VAT1L: variants seen among roughly 807,000 people sequenced by gnomAD.
The protein encoded by VAT1L is vesicle amine transport 1 like.
VAT1L carries 34 observed loss-of-function variants against 44.1 expected under a neutral mutation model. That is an observed-to-expected ratio of 0.77 (90% confidence interval 0.59 to 1.03). The LOEUF (loss-of-function observed/expected upper bound fraction) is 1.03, where lower values mean the gene tolerates loss of function less well. VAT1L is among the 50% of genes least tolerant of loss of function. The pLI, the probability that VAT1L is intolerant of heterozygous loss-of-function variation, is 0.00. For missense variants in VAT1L, 615 were observed against 538.8 expected, an observed-to-expected ratio of 1.14 and a Z score of -1.40; for synonymous variants, 253 against 202.2, an observed-to-expected ratio of 1.25 and a Z score of -2.13.
chr16:77,818,739 T>G (rs1316895350), intron 2 of VAT1L, among the ~76,000 whole-genome samples: 1 of 152,210 alleles, frequency 6.6e-6, no homozygotes, highest in East Asian at 1.9e-4. Flanking sequence ...CATTAAACTC[T>G]CTCCCTTCCA....
At chr16:77,974,302 A>G (rs1567527576) in intron 8 of VAT1L, among the ~76,000 whole-genome samples, 1 of 152,138 alleles carries the variant, frequency 6.6e-6, no homozygotes, top group Non-Finnish European at 1.5e-5. Context: ...TTTCAGTCCC[A>G]TTTGGAGAAG....
intron 1 of VAT1L, among the ~76,000 whole-genome samples, chr16:77,799,787 C>T (rs1477561132): frequency 6.6e-6 from 1 of 152,094 alleles, no homozygotes; most frequent in Admixed American, 6.5e-5. Context: ...TATTAAGTCA[C>T]ATTAAATAAC....
At chr16:77,911,116 G>T (rs958600504) in intron 7 of VAT1L, among the ~76,000 whole-genome samples, 4 of 152,144 alleles carry the variant, frequency 2.6e-5, no homozygotes, top group African/African-American at 9.7e-5. Flanking sequence ...TACACCAACT[G>T]TACCACCCAG....
chr16:77,902,247 A>T (rs184318479), intron 7 of VAT1L, among the ~76,000 whole-genome samples: 1 of 152,246 alleles, frequency 6.6e-6, no homozygotes. Context: ...CATGGATGGA[A>T]TAAGAAATGC....
At chr16:77,936,406 C>A (rs748539555) in intron 7 of VAT1L, among the ~76,000 whole-genome samples, 1 of 152,130 alleles carries the variant, frequency 6.6e-6, no homozygotes, top group Non-Finnish European at 1.5e-5. Context: ...GCAGGCAGCC[C>A]TTTCTGCCTC....
At chr16:77,844,263 G>T (rs1049828295) in intron 3 of VAT1L, among the ~76,000 whole-genome samples, 1 of 152,038 alleles carries the variant, frequency 6.6e-6, no homozygotes, top group South Asian at 2.1e-4. Flanking sequence ...TTTTCCTTGT[G>T]ATTATTCCCT....
intron 7 of VAT1L, among the ~76,000 whole-genome samples, chr16:77,912,915 T>TTTC (rs936557258): frequency 1.3e-5 from 2 of 152,194 alleles, no homozygotes; most frequent in South Asian, 2.1e-4. Flanking sequence ...AGTTATGGTT[T>TTTC]TTCTTCTTCT....
chr16:77,820,020 G>A (rs1322442198), intron 2 of VAT1L, among the ~76,000 whole-genome samples: 1 of 152,174 alleles, frequency 6.6e-6, no homozygotes, highest in Non-Finnish European at 1.5e-5. Context: ...AGGAAACTGA[G>A]CCCTGAAAAG....
intron 3 of VAT1L, among the ~76,000 whole-genome samples, chr16:77,828,202 A>C (rs994873597): frequency 6.6e-6 from 1 of 152,224 alleles, no homozygotes. Context: ...CAGAGAGCCC[A>C]CACCATCACA....
At chr16:77,892,479 T>C (rs80056103) in intron 7 of VAT1L, 1 of 527,734 alleles carries the variant, frequency 1.9e-6, no homozygotes, top group Non-Finnish European at 3.8e-6. Context: ...GGCCCTTGTG[T>C]CTCCTTTGAG....
intron 3 of VAT1L, among the ~76,000 whole-genome samples, chr16:77,843,589 A>G (rs975739041): frequency 6.6e-6 from 1 of 152,190 alleles, no homozygotes; most frequent in South Asian, 2.1e-4. Context: ...TGCATTAAGA[A>G]CGGGAAATAT....
At chr16:77,887,294 A>AG (rs1258787331) in intron 7 of VAT1L, among the ~76,000 whole-genome samples, 1 of 152,178 alleles carries the variant, frequency 6.6e-6, no homozygotes, top group Non-Finnish European at 1.5e-5. Flanking sequence ...TCTAAGCAGC[A>AG]GGGGGCTGCT....
At chr16:77,956,655 C>A (rs751908247) in intron 7 of VAT1L, among the ~76,000 whole-genome samples, 1 of 152,194 alleles carries the variant, frequency 6.6e-6, no homozygotes, top group Non-Finnish European at 1.5e-5. Flanking sequence ...TTCTTAGGTT[C>A]AGAGCCTATA....
chr16:77,969,332 G>A (rs533206145), intron 7 of VAT1L, among the ~76,000 whole-genome samples: 4 of 152,174 alleles, frequency 2.6e-5, no homozygotes, highest in African/African-American at 7.2e-5. Flanking sequence ...ACTCAGGACA[G>A]AGTTGCTCTG....
intron 7 of VAT1L, among the ~76,000 whole-genome samples, chr16:77,917,546 A>T (rs1440871056): frequency 6.6e-6 from 1 of 152,222 alleles, no homozygotes; most frequent in Non-Finnish European, 1.5e-5. Context: ...CATTCAGCTC[A>T]GAGAATAAAC....
At chr16:77,861,770 G>A (rs995327151) in intron 3 of VAT1L, among the ~76,000 whole-genome samples, 1 of 152,214 alleles carries the variant, frequency 6.6e-6, no homozygotes, top group African/African-American at 2.4e-5. Flanking sequence ...CCCTCAACAA[G>A]TATCAGATGC....
At chr16:77,798,974 C>A (rs530071395) in intron 1 of VAT1L, among the ~76,000 whole-genome samples, 2 of 152,210 alleles carry the variant, frequency 1.3e-5, no homozygotes, top group South Asian at 4.1e-4. Context: ...TTCCATCTTT[C>A]ATCCTCTCTC....
intron 7 of VAT1L, among the ~76,000 whole-genome samples, chr16:77,937,764 C>T (rs1378819814): frequency 6.6e-6 from 1 of 152,170 alleles, no homozygotes; most frequent in Admixed American, 6.5e-5. Flanking sequence ...AGAAGGACCT[C>T]CTTGAAAAGG....
intron 1 of VAT1L, among the ~76,000 whole-genome samples, chr16:77,797,200 C>T (rs138506599): frequency 1.1e-3 from 164 of 152,112 alleles, no homozygotes; most frequent in African/African-American, 3.7e-3. Context: ...CAACCTGCGC[C>T]TCCCAGGTTC....
Sources: gnomAD v4.1 joint callset for allele counts (sites outside exome capture counted in the v4.1 genomes callset) on GRCh38, gnomAD v4.1.1 for gene constraint, MANE v1.5 for transcripts, NCBI Gene and HGNC (gene_info 2026-07-23, HGNC 2026-07-21) for gene names.